The following RIMS1 variants were observed in gnomAD, a reference collection of about 807,000 sequenced individuals.
RIMS1 encodes regulating synaptic membrane exocytosis protein 1.
In RIMS1, 83 loss-of-function variants were observed where a neutral mutation model predicts 214.1. The ratio of observed to expected loss-of-function variants is 0.39; its 90% CI spans 0.32 to 0.47. The LOEUF (loss-of-function observed/expected upper bound fraction) is 0.47. Ranked by LOEUF, RIMS1 falls within the 20% of genes least tolerant of loss-of-function variation. The pLI, the probability that RIMS1 is intolerant of heterozygous loss-of-function variation, is 0.99. For missense variants in RIMS1, 2,050 were observed against 2,161.8 expected (o/e 0.95, Z 1.03); for synonymous variants, 793 against 786.8 (o/e 1.01, Z -0.13).
intron 1 of RIMS1, among the ~76,000 whole-genome samples, chr6:71,907,118 C>T (rs1225890698): frequency 6.6e-6 from 1 of 152,150 alleles, no homozygotes; most frequent in Non-Finnish European, 1.5e-5. Flanking sequence ...TTCTTTTGAA[C>T]TAGGGTAGTA....
intron 26 of RIMS1, among the ~76,000 whole-genome samples, chr6:72,294,018 A>T (rs972291994): frequency 6.6e-6 from 1 of 151,586 alleles, no homozygotes; most frequent in African/African-American, 2.4e-5. Context: ...GACAACAAGC[A>T]TGTATTTTAT....
rs140462668 is a variant in RIMS1 at position 72,137,300 on chromosome 6, T to C, written c.471+37314T>C. Among the ~76,000 whole-genome samples, 812 of 152,246 alleles carry C rather than the reference T, an allele frequency of 5.3e-3. 7 individuals are homozygous for C. Among genetic ancestry groups the C allele is most frequent in the African/African-American group, 0.019 (773 of 41,574 alleles). On this transcript the variant is annotated intron_variant, in intron 4 of 33. Coordinates refer to ENST00000521978, the MANE Select transcript of RIMS1 (RefSeq NM_014989.7). Reference sequence around the variant, plus strand: ...TTTTCAAACTGCTTTCCAAAAATGTTTTAGCAATTCAGCAGTGTTTGAAGG... The same window carrying C: ...TTTTCAAACTGCTTTCCAAAAATGTCTTAGCAATTCAGCAGTGTTTGAAGG...
intron 4 of RIMS1, among the ~76,000 whole-genome samples, chr6:72,105,659 A>C (rs781128822): frequency 2.3e-4 from 35 of 152,210 alleles, no homozygotes; most frequent in Admixed American, 3.9e-4. Flanking sequence ...AATTCAACTT[A>C]AAATGTGTAT....
intron 2 of RIMS1, among the ~76,000 whole-genome samples, chr6:72,052,532 A>G (rs77229984): frequency 6.6e-6 from 1 of 152,200 alleles, no homozygotes; most frequent in South Asian, 2.1e-4. Context: ...AATATTCATC[A>G]TCTACATTTC....
At chr6:72,308,148 CTGAT>C (rs1391125271) in intron 27 of RIMS1, among the ~76,000 whole-genome samples, 1 of 151,978 alleles carries the variant, frequency 6.6e-6, no homozygotes, top group East Asian at 1.9e-4. Context: ...AGAAAAGTAA[CTGAT>C]TTCAAACTTC....
intron 26 of RIMS1, among the ~76,000 whole-genome samples, chr6:72,299,151 C>A (rs568715328): frequency 1.3e-5 from 2 of 151,972 alleles, no homozygotes; most frequent in South Asian, 2.1e-4. Context: ...AAGATCAAAA[C>A]TGAACCAGAA....
At chr6:71,961,415 T>C (rs1792923380) in intron 1 of RIMS1, among the ~76,000 whole-genome samples, 1 of 152,094 alleles carries the variant, frequency 6.6e-6, no homozygotes, top group Admixed American at 6.6e-5. Context: ...TCTGTATCTT[T>C]AACTTCTCCC....
chr6:71,932,693 C>A (rs1243476267), intron 1 of RIMS1, among the ~76,000 whole-genome samples: 1 of 152,202 alleles, frequency 6.6e-6, no homozygotes. Context: ...TCAGGCTAGT[C>A]TCTAACTCCT....
At chr6:71,890,570 T>TAAA (rs3076604) in intron 1 of RIMS1, among the ~76,000 whole-genome samples, 72 of 81,492 alleles carry the variant, frequency 8.8e-4, no homozygotes, top group African/African-American at 4.0e-3. Context: ...CTCCTTTTTG[T>TAAA]AAAAAAAAAA....
intron 4 of RIMS1, among the ~76,000 whole-genome samples, chr6:72,146,817 T>A (rs2153893137): frequency 6.6e-6 from 1 of 152,352 alleles, no homozygotes; most frequent in East Asian, 1.9e-4. Flanking sequence ...ATCATGTAAA[T>A]CTATTTTAAG....
At chr6:72,050,842 A>G (rs1395330811) in intron 2 of RIMS1, among the ~76,000 whole-genome samples, 1 of 152,180 alleles carries the variant, frequency 6.6e-6, no homozygotes, top group East Asian at 1.9e-4. Flanking sequence ...ACATCCAGGA[A>G]TGACTCTATT....
intron 4 of RIMS1, among the ~76,000 whole-genome samples, chr6:72,131,139 T>C (rs974711098): frequency 4.6e-5 from 7 of 152,170 alleles, no homozygotes; most frequent in Non-Finnish European, 8.8e-5. Context: ...TATTTCAAAC[T>C]GTGATTGGAA....
At chr6:72,124,487 GGT>G (rs1179037885) in intron 4 of RIMS1, among the ~76,000 whole-genome samples, 1 of 151,782 alleles carries the variant, frequency 6.6e-6, no homozygotes, top group Non-Finnish European at 1.5e-5. Context: ...GTATCTTTGT[GGT>G]GTTCTCTATG....
intron 28 of RIMS1, among the ~76,000 whole-genome samples, chr6:72,321,803 C>T (rs922873567): frequency 6.6e-6 from 1 of 151,990 alleles, no homozygotes; most frequent in Non-Finnish European, 1.5e-5. Context: ...CTACCTTCAC[C>T]AAGAATCAGT....
chr6:72,137,054 A>G (rs1024318108), intron 4 of RIMS1, among the ~76,000 whole-genome samples: 1 of 152,066 alleles, frequency 6.6e-6, no homozygotes, highest in African/African-American at 2.4e-5. Context: ...AAAGAAGTAA[A>G]GATGTATCTT....
At chr6:72,070,176 T>C (rs1054816130) in intron 2 of RIMS1, among the ~76,000 whole-genome samples, 1 of 152,196 alleles carries the variant, frequency 6.6e-6, no homozygotes, top group African/African-American at 2.4e-5. Flanking sequence ...CAAGATTGTG[T>C]GTAAAAATTA....
At chr6:72,334,569 T>C (rs1223364507) in intron 29 of RIMS1, among the ~76,000 whole-genome samples, 1 of 151,892 alleles carries the variant, frequency 6.6e-6, no homozygotes, top group African/African-American at 2.4e-5. Flanking sequence ...ATTACTATGC[T>C]CAATACTATG....
intron 28 of RIMS1, among the ~76,000 whole-genome samples, chr6:72,326,608 A>G (rs2096477371): frequency 6.6e-6 from 1 of 151,800 alleles, no homozygotes; most frequent in Admixed American, 6.6e-5. Context: ...ATATTCTACA[A>G]TTGATGGCAT....
At chr6:72,242,635 A>C (rs996572674) in intron 10 of RIMS1, among the ~76,000 whole-genome samples, 198 bp downstream of exon 10, 1 of 151,870 alleles carries the variant, frequency 6.6e-6, no homozygotes, top group African/African-American at 2.4e-5. Context: ...ACATTTTAGA[A>C]GCTCCACACT....
Sources: allele counts gnomAD v4.1 joint callset (sites outside exome capture counted in the v4.1 genomes callset), GRCh38; gene constraint gnomAD v4.1.1; transcripts MANE v1.5; gene names NCBI Gene and HGNC (gene_info 2026-07-23, HGNC 2026-07-21).